The following GOLM2 variants were observed in gnomAD, a reference collection of about 807,000 sequenced individuals.
GOLM2 encodes protein GOLM2.
Under a neutral mutation model 55.9 loss-of-function variants are expected in GOLM2, and 26 were observed. That is an observed-to-expected ratio of 0.47 (90% CI 0.34 to 0.65). The LOEUF is 0.65. GOLM2 is among the 30% of genes least tolerant of loss of function. GOLM2 has a pLI of 0.01. For synonymous variants in GOLM2, 165 were observed against 194.6 expected (o/e 0.85, Z 1.27); for missense variants, 486 against 531.8 (o/e 0.91, Z 0.85).
chr15:44,391,407 C>T (rs1233795773), intron 8 of GOLM2, among the ~76,000 whole-genome samples: 1 of 151,584 alleles, frequency 6.6e-6, no homozygotes, highest in Non-Finnish European at 1.5e-5. Flanking sequence ...GTCCCAGCTA[C>T]TTGGGAGGCT....
chr15:44,310,468 A>C lies in GOLM2; in HGVS notation c.328-12497A>C, dbSNP rs865911761. 3.0e-3 allele frequency among the ~76,000 whole-genome samples: 403 copies of C among 136,590 alleles called. 2 individuals are homozygous for C. The highest frequency in any genetic ancestry group is 9.8e-3 in the African/African-American group (343 of 34,850). 89.6% of individuals were successfully genotyped at this position (136,590 alleles called of 152,430 possible). On this transcript the variant is annotated intron_variant, in intron 1 of 9. Coordinates refer to ENST00000299957, the MANE Select transcript of GOLM2 (RefSeq NM_138423.4). ...TCTCTCTCTCTCTATATATATATAT[A>C]TGTATATATATATATATATATACAC...
At chr15:44,313,387 T>G (rs114418301) in intron 1 of GOLM2, among the ~76,000 whole-genome samples, 1,695 of 152,352 alleles carry the variant, frequency 0.011, 38 homozygotes, top group African/African-American at 0.039. Context: ...TTCCCCAGCA[T>G]TCTATGTTCT....
chr15:44,345,659 G>A (rs1284898258), intron 6 of GOLM2, among the ~76,000 whole-genome samples: 2 of 151,924 alleles, frequency 1.3e-5, no homozygotes, highest in Admixed American at 6.6e-5. Context: ...TTCTTTCTTG[G>A]AAACTCTTTT....
chr15:44,343,773 G>A (rs1033724748), intron 6 of GOLM2, among the ~76,000 whole-genome samples: 6 of 149,090 alleles, frequency 4.0e-5, no homozygotes, highest in Non-Finnish European at 8.9e-5. Context: ...GCAGTGAACT[G>A]AGATCGCGCC....
At position 44,380,709 on chromosome 15, in the gene GOLM2, TAG is replaced by T. The variant is rs917978639; in HGVS notation, c.902-96_902-95del. The T allele has an allele frequency of 3.2e-5, 21 of 664,952 alleles. No homozygotes were observed. In the African/African-American group the frequency reaches 3.7e-4, roughly 12 times the overall value. 41.2% of individuals were successfully genotyped at this position (664,952 alleles called of 1,614,324 possible). ...TTTGTGGCTACCCAATGTTAAACAA[TAG>T]TGTGTCTTAGCTTTCTAAAGCAGAT... On this transcript the variant is annotated intron_variant, in intron 7 of 9. Coordinates refer to ENST00000299957, the MANE Select transcript of GOLM2 (RefSeq NM_138423.4).
intron 1 of GOLM2, among the ~76,000 whole-genome samples, chr15:44,319,250 G>A (rs536089769): frequency 7.9e-5 from 12 of 152,154 alleles, no homozygotes; most frequent in South Asian, 2.1e-4. Flanking sequence ...GTCTTGCTCC[G>A]TTGCCCAGAC....
chr15:44,322,965 G>A lies in GOLM2; in HGVS notation c.328G>A (p.Val110Ile). 1 of 1,564,540 alleles carries A rather than the reference G, an allele frequency of 6.4e-7. No individual in the cohort carries two copies. The highest frequency in any genetic ancestry group is 8.6e-7 in the Non-Finnish European group (1 of 1,159,084). Residue 110 changes from valine (V) to isoleucine (I), a missense_variant and splice_region_variant, in exon 2 of 10, where the codon GTT becomes ATT. Physicochemically the swap from Val to Ile is conservative, Grantham distance 29. Transcript: ENST00000299957. ...AAATGAGAACTTAATTTTTTTTCAGGTTAAACTACAGAACAACATATCGTA... is the reference window on the plus strand; with the variant it reads ...AAATGAGAACTTAATTTTTTTTCAGATTAAACTACAGAACAACATATCGTA... The part of the protein sequence containing the change: ...GLGKRCEDDK[V>I]KLQNNISYQM...
intron 6 of GOLM2, among the ~76,000 whole-genome samples, chr15:44,344,721 G>A (rs1435513275): frequency 1.3e-5 from 2 of 151,892 alleles, no homozygotes; most frequent in Non-Finnish European, 2.9e-5. Flanking sequence ...TTCTAGAGGG[G>A]CTGCGATTAC....
chr15:44,406,136 C>T (rs1205133377), intron 9 of GOLM2, among the ~76,000 whole-genome samples: 1 of 152,126 alleles, frequency 6.6e-6, no homozygotes, highest in Non-Finnish European at 1.5e-5. Context: ...CGCAGTGGCT[C>T]ACACCTGTAA....
At chr15:44,324,482 A>G (rs2078969383) in intron 2 of GOLM2, among the ~76,000 whole-genome samples, 1 of 152,144 alleles carries the variant, frequency 6.6e-6, no homozygotes, top group Non-Finnish European at 1.5e-5. Context: ...GACTTTTGCA[A>G]CTGGAATGAT....
chr15:44,378,023 A>T (rs188777462), intron 6 of GOLM2, among the ~76,000 whole-genome samples: 3,686 of 149,266 alleles, frequency 0.025, 50 homozygotes, highest in African/African-American at 0.029. Context: ...ATATATATAT[A>T]TTTTTTAAAT....
intron 1 of GOLM2, among the ~76,000 whole-genome samples, chr15:44,321,867 C>T (rs1224269354): frequency 2.6e-5 from 4 of 151,776 alleles, no homozygotes; most frequent in Non-Finnish European, 5.9e-5. Flanking sequence ...GCCTGGGCAA[C>T]ATAGCAAGAC....
At chr15:44,324,072 G>T (rs983218954) in intron 2 of GOLM2, among the ~76,000 whole-genome samples, 2 of 152,162 alleles carry the variant, frequency 1.3e-5, no homozygotes, top group African/African-American at 4.8e-5. Flanking sequence ...TGACACAGAA[G>T]ATGCCACAGT....
intron 8 of GOLM2, among the ~76,000 whole-genome samples, chr15:44,397,351 C>T (rs1261079539): frequency 3.3e-5 from 5 of 151,566 alleles, no homozygotes; most frequent in South Asian, 2.1e-4. Flanking sequence ...TGGTGGTGGG[C>T]GCCTGTAGTC....
intron 9 of GOLM2, chr15:44,406,532 A>G (rs2079598496): frequency 6.6e-6 from 1 of 152,198 alleles, no homozygotes; most frequent in African/African-American, 2.4e-5. Flanking sequence ...GATCTTTCTC[A>G]GTTTTAAAAT....
intron 1 of GOLM2, among the ~76,000 whole-genome samples, chr15:44,319,808 C>T (rs1331177663): frequency 6.6e-6 from 1 of 151,708 alleles, no homozygotes; most frequent in Non-Finnish European, 1.5e-5. Context: ...AGAGTAGTCT[C>T]AAACTCCTGG....
At chr15:44,389,599 A>G (rs548351035) in intron 8 of GOLM2, among the ~76,000 whole-genome samples, 2 of 152,338 alleles carry the variant, frequency 1.3e-5, no homozygotes, top group South Asian at 4.1e-4. Context: ...ATGCTGTTAG[A>G]AAAAAGTTGA....
intron 1 of GOLM2, among the ~76,000 whole-genome samples, chr15:44,304,430 C>T (rs140029700): frequency 0.047 from 7,039 of 151,258 alleles, 266 homozygotes; most frequent in East Asian, 0.19. Flanking sequence ...TTAGTAGAGA[C>T]AGGGTTTCAC....
Position 44,289,078 on chromosome 15 carries a change from G to C in GOLM2, c.49G>C (p.Val17Leu), listed in dbSNP as rs781759641. 6.2e-7 allele frequency: 1 copy of C among 1,614,058 alleles called. No homozygotes were observed. Among genetic ancestry groups the C allele is most frequent in the South Asian group, 1.1e-5 (1 of 91,080 alleles). The change falls in exon 1 of 10, where the codon GTG (valine) becomes CTG (leucine). Residue 17 changes from valine to leucine, a missense_variant. Physicochemically the swap from Val to Leu is conservative, Grantham distance 32. Coordinates refer to ENST00000299957, the MANE Select transcript of GOLM2 (RefSeq NM_138423.4). This position sits in a 1 kb window ranked among gnomAD's most constrained non-coding sequence, Gnocchi z 4.8. ...NRRAGRLPSL[V>L]LVVLLVVIVV... The stretch of plus-strand genomic sequence containing the variant: ...GCGGGCTGGCCGCCTGCCCTCTCTC[G>C]TGCTGGTGGTGCTGCTGGTGGTGAT...
Sources: allele counts gnomAD v4.1 joint callset (sites outside exome capture counted in the v4.1 genomes callset), GRCh38; gene constraint gnomAD v4.1.1; non-coding constraint Gnocchi (gnomAD v3.1); transcripts MANE v1.5; gene names NCBI Gene and HGNC (gene_info 2026-07-23, HGNC 2026-07-21).